The following AKAP4 variants were observed in gnomAD, a reference collection of about 807,000 sequenced individuals.
AKAP4 encodes the protein A-kinase anchor protein 4.
AKAP4 carries 4 observed loss-of-function variants against 42.6 expected under a neutral mutation model. The observed-to-expected ratio is 0.09, with a 90% CI of 0.05 to 0.22. The LOEUF is 0.22. Ranked by LOEUF, AKAP4 falls within the 10% of genes least tolerant of loss-of-function variation. The pLI is 1.00. For synonymous variants in AKAP4, 223 were observed against 233.0 expected (o/e 0.96, Z 0.39); for missense variants, 551 against 630.7 (o/e 0.87, Z 1.35).
In AKAP4 at chrX:50,193,704, C is replaced by A. The variant is rs1360093167; in HGVS notation, c.1009G>T (p.Ala337Ser). 8.3e-7 allele frequency: 1 copy of A among 1,209,953 alleles called. No individual in the cohort carries two copies. The highest frequency in any genetic ancestry group is 1.1e-6 in the Non-Finnish European group (1 of 895,171). Residue 337 changes from alanine to serine, a missense_variant, in exon 5 of 6, where the codon GCA (alanine) becomes TCA (serine). Ala to Ser is a moderately conservative substitution (Grantham distance 99, BLOSUM62 1). Transcript: ENST00000358526. ...DSISKGLMVYANQVASDMMVS... is the reference protein window; with the variant it reads ...DSISKGLMVYSNQVASDMMVS... ...ATCATGTCAGATGCCACCTGATTTG[C>A]ATAAACCATGAGCCCCTTGCTGATG...
Position 50,193,965 on chromosome X carries a change from A to G in AKAP4, c.748T>C (p.Ser250Pro), listed in dbSNP as rs782498639. The change falls in exon 5 of 6, where the codon TCA (serine) becomes CCA (proline). Residue 250 changes from serine (S) to proline (P), a missense_variant. Transcript: ENST00000358526. The part of the protein sequence containing the change: ...LEGKSKCLHH[S>P]ICPSPGNKER... The stretch of plus-strand genomic sequence containing the variant: ...TTGTTCCCAGGGGATGGACAGATTG[A>G]ATGATGAAGGCATTTGCTTTTACCT... 13 of 1,209,644 alleles carry G rather than the reference A, an allele frequency of 1.1e-5. No individual in the cohort carries two copies. The highest frequency in any genetic ancestry group is 1.5e-5 in the Non-Finnish European group (13 of 895,057).
In AKAP4 at chrX:50,199,899, C is replaced by T. The variant is rs1394410656; in HGVS notation, c.27+964G>A. Among the ~76,000 whole-genome samples, 3 of 81,846 alleles carry T rather than the reference C, an allele frequency of 3.7e-5. No homozygotes were observed. In the Admixed American group the frequency reaches 4.3e-4, roughly 12 times the overall value. The allele number at this position is 81,846 out of a possible 115,157, so 71.1% of individuals were successfully genotyped here. A position where few individuals can be genotyped will look rare whatever the true frequency, so the allele number is the denominator to read the frequency against. Reference sequence around the variant, plus strand: ...CTTTCTCCCTCCTTCTTTCCTTCCACCCCTTCTCTATTCCCCTACAGCATA... The same window carrying T: ...CTTTCTCCCTCCTTCTTTCCTTCCATCCCTTCTCTATTCCCCTACAGCATA... On this transcript the variant is annotated intron_variant, in intron 1 of 5. Coordinates refer to ENST00000358526, the MANE Select transcript of AKAP4 (RefSeq NM_003886.3).
chrX:50,191,622 GT>G (rs1557203595), intron 5 of AKAP4, among the ~76,000 whole-genome samples: 1 of 46,405 alleles, frequency 2.2e-5, no homozygotes. Context: ...TCAGATAGGT[GT>G]GTGTGTGTGT....
chrX:50,197,976 G>A (rs185365371), intron 2 of AKAP4, among the ~76,000 whole-genome samples: 16 of 111,573 alleles, frequency 1.4e-4, no homozygotes, highest in African/African-American at 4.9e-4. Flanking sequence ...CTGGCTTCCA[G>A]TTTAGAGCAC....
Position 50,192,858 on chromosome X carries a change from G to C in AKAP4, c.1855C>G (p.Leu619Val). The change falls in exon 5 of 6, where the codon CTG becomes GTG. Residue 619 changes from leucine to valine, a missense_variant. Transcript: ENST00000358526. ...GACATATCCATTTTCTGGGAGTCCAGGTGTTGGTTCTCCTTTTGACAGGTG... is the reference window on the plus strand; with the variant it reads ...GACATATCCATTTTCTGGGAGTCCACGTGTTGGTTCTCCTTTTGACAGGTG... The part of the protein sequence containing the change: ...PSTCQKENQH[L>V]DSQKMDMSNI... 2 of 1,211,958 alleles carry C rather than the reference G, an allele frequency of 1.7e-6. No individual in the cohort carries two copies. The highest frequency in any genetic ancestry group is 2.2e-6 in the Non-Finnish European group (2 of 895,557).
At chrX:50,197,671 T>A in intron 2 of AKAP4, 77 bp from the exon 3 acceptor site, 1 of 897,373 alleles carries the variant, frequency 1.1e-6, no homozygotes, top group Non-Finnish European at 1.6e-6. Context: ...GAGATGATAA[T>A]AGCACCTACC....
Position 50,197,063 on chromosome X carries a change from A to G in AKAP4, c.175-71T>C, listed in dbSNP as rs182053672. On this transcript the variant is annotated intron_variant, in intron 3 of 5. Coordinates refer to ENST00000358526, the MANE Select transcript of AKAP4 (RefSeq NM_003886.3). ...TTTCTCCAAGCTGCCCCCCTAGGCTATGACTTCAAATCATGAATGTTATGA... is the reference window on the plus strand; with the variant it reads ...TTTCTCCAAGCTGCCCCCCTAGGCTGTGACTTCAAATCATGAATGTTATGA... 6 of 725,473 alleles carry G rather than the reference A, an allele frequency of 8.3e-6. No homozygotes were observed. In the African/African-American group the frequency reaches 1.3e-4, roughly 15 times the overall value. The allele number at this position is 725,473 out of a possible 1,213,427, so 59.8% of individuals were successfully genotyped here. A position where few individuals can be genotyped will look rare whatever the true frequency, so the allele number is the denominator to read the frequency against.
chrX:50,192,230 G>T (rs1362302603), intron 5 of AKAP4, 74 bp downstream of exon 5: 9 of 879,577 alleles, frequency 1.0e-5, no homozygotes, highest in African/African-American at 6.2e-5. Flanking sequence ...AATGATCTTG[G>T]GCTCTAAGTA....
rs782812074 is a variant in AKAP4 at position 50,195,785 on chromosome X, ATG to A, written c.276+1104_276+1105del. 1.2e-3 allele frequency among the ~76,000 whole-genome samples: 132 copies of A among 111,737 alleles called. 1 individual carries two copies. Among genetic ancestry groups the A allele is most frequent in the Non-Finnish European group, 1.9e-3 (102 of 53,159 alleles). ...TAAATGTATATAAATGTATACATTG[ATG>A]TGTGTATCATTTTGTATAAATTTAT... On this transcript the variant is annotated intron_variant, in intron 4 of 5. Coordinates refer to ENST00000358526, the MANE Select transcript of AKAP4 (RefSeq NM_003886.3).
Position 50,193,661 on chromosome X carries a change from G to T in AKAP4, c.1052C>A (p.Thr351Asn), listed in dbSNP as rs1935146135. ...ASDMMVSLMKTLKVHSSGKPI... is the reference protein window; with the variant it reads ...ASDMMVSLMKNLKVHSSGKPI... ...CTTCCCAGAGCTGTGCACTTTCAAG[G>T]TCTTCATGAGAGAGACCATCATGTC... The change falls in exon 5 of 6, where the codon ACC (threonine) becomes AAC (asparagine). Residue 351 changes from threonine to asparagine, a missense_variant. Coordinates refer to ENST00000358526, the MANE Select transcript of AKAP4 (RefSeq NM_003886.3). The T allele has an allele frequency of 8.3e-7, 1 of 1,210,277 alleles. No homozygotes were observed. The highest frequency in any genetic ancestry group is 3.0e-5 in the East Asian group (1 of 33,748).
rs782713046 is a variant in AKAP4 at position 50,193,366 on chromosome X, T to C, written c.1347A>G (p.Ala449=). 5.8e-6 allele frequency: 7 copies of C among 1,211,716 alleles called. No individual in the cohort carries two copies. Among genetic ancestry groups the C allele is most frequent in the South Asian group, 5.3e-5 (3 of 56,973 alleles). ...KETKSQSLSY[A]SLKAGSHDPK... ...GATCATGGGACCCAGCTTTTAAAGA[T>C]GCATATGACAGACTCTGAGACTTAG... The change falls in exon 5 of 6, where the codon GCA becomes GCG. Residue 449 remains alanine, a synonymous_variant. Coordinates refer to ENST00000358526, the MANE Select transcript of AKAP4 (RefSeq NM_003886.3).
Position 50,192,481 on chromosome X carries a change from A to ATT in AKAP4, c.2231_2232insAA (p.Ser744ArgfsTer17). The stretch of plus-strand genomic sequence containing the variant: ...CTTGATAGTTCTGTGGCATTGCACC[A>ATT]CTGTGAATGCATCTGGTGCCCCTGA... On this transcript the variant is annotated frameshift_variant, in exon 5 of 6. Coordinates refer to ENST00000358526, the MANE Select transcript of AKAP4 (RefSeq NM_003886.3). LOFTEE classifies it high-confidence loss of function. The ATT allele has an allele frequency of 8.3e-7, 1 of 1,210,871 alleles. No homozygotes were observed. The highest frequency in any genetic ancestry group is 1.8e-5 in the South Asian group (1 of 56,698).
chrX:50,192,063 G>T (rs1557203680), intron 5 of AKAP4, among the ~76,000 whole-genome samples: 1 of 110,445 alleles, frequency 9.1e-6, no homozygotes, highest in Non-Finnish European at 1.9e-5. Context: ...TTGTCAAAAG[G>T]GTCACGGATG....
chrX:50,194,515 G>T, intron 4 of AKAP4, 79 bp from the exon 5 acceptor site: 1 of 837,047 alleles, frequency 1.2e-6, no homozygotes, highest in African/African-American at 2.1e-5. Flanking sequence ...AGATGTATCA[G>T]ATTAGGGATT....
Position 50,198,557 on chromosome X carries a change from T to C in AKAP4, c.123+100A>G, listed in dbSNP as rs782371688. On this transcript the variant is annotated intron_variant, in intron 2 of 5. Transcript: ENST00000358526. Reference sequence around the variant, plus strand: ...TGTTGAGCTTGGTTGCTTGGAGAAGTCAGGGTATCATCGTCCATTAGTTTA... The same window carrying C: ...TGTTGAGCTTGGTTGCTTGGAGAAGCCAGGGTATCATCGTCCATTAGTTTA... The C allele has an allele frequency of 8.5e-5, 49 of 579,571 alleles. No homozygotes were observed. The South Asian group carries it at 1.3e-3, about 16-fold the overall frequency. The allele number at this position is 579,571 out of a possible 1,213,427, so 47.8% of individuals were successfully genotyped here.
At chrX:50,198,804 A>G in intron 1 of AKAP4, 52 bp from the exon 2 acceptor site, 1 of 980,545 alleles carries the variant, frequency 1.0e-6, no homozygotes, top group Non-Finnish European at 1.4e-6. Flanking sequence ...GTTTTTGGAA[A>G]CCGGGTCAAT....
chrX:50,193,520 A>C lies in AKAP4; in HGVS notation c.1193T>G (p.Met398Arg). Residue 398 changes from methionine (M) to arginine (R), a missense_variant, in exon 5 of 6, where the codon ATG (methionine) becomes AGG (arginine). Met to Arg is a moderately conservative substitution (Grantham distance 91). Coordinates refer to ENST00000358526, the MANE Select transcript of AKAP4 (RefSeq NM_003886.3). ...AGCTGAGACAAAGTCTGAGTCAGTC[A>C]TCAGGACCCCAGTAATATTATGCAG... ...KNLHNITGVL[M>R]TDSDFVSAVK... is the part of the protein sequence containing the mutation. The C allele has an allele frequency of 1.7e-6, 2 of 1,212,000 alleles. No homozygotes were observed. The highest frequency in any genetic ancestry group is 2.2e-6 in the Non-Finnish European group (2 of 895,640).
At chrX:50,196,618 A>G (rs1196920851) in intron 4 of AKAP4, among the ~76,000 whole-genome samples, 1 of 111,687 alleles carries the variant, frequency 9.0e-6, no homozygotes, top group Non-Finnish European at 1.9e-5. Flanking sequence ...AGCGAAGAAC[A>G]TTACAAATAG....
intron 4 of AKAP4, among the ~76,000 whole-genome samples, chrX:50,195,072 T>C: frequency 8.9e-6 from 1 of 112,189 alleles, no homozygotes. Flanking sequence ...CATGCAGCTA[T>C]AAATGCATTT....
Sources: allele counts gnomAD v4.1 joint callset (sites outside exome capture counted in the v4.1 genomes callset), GRCh38; gene constraint gnomAD v4.1.1; transcripts MANE v1.5; gene names NCBI Gene and HGNC (gene_info 2026-07-23, HGNC 2026-07-21).